The following PRDM1 variants were observed in gnomAD, a reference collection of about 807,000 sequenced individuals.
PRDM1 encodes PR/SET domain 1.
PRDM1 carries 13 observed loss-of-function variants against 62.8 expected under a neutral mutation model. That is an observed-to-expected ratio of 0.21 (90% CI 0.13 to 0.33). The LOEUF (loss-of-function observed/expected upper bound fraction) is 0.33. Among genes scored for constraint, PRDM1 ranks in the 10% least tolerant of loss-of-function variants. The pLI, the probability that PRDM1 is intolerant of heterozygous loss-of-function variation, is 1.00. For missense variants in PRDM1, 895 were observed against 1,058.8 expected (o/e 0.85, Z 2.15); for synonymous variants, 396 against 417.6 (o/e 0.95, Z 0.63).
chr6:106,091,553 G>A (rs947264916), intron 2 of PRDM1, among the ~76,000 whole-genome samples: 3 of 152,190 alleles, frequency 2.0e-5, no homozygotes, highest in African/African-American at 7.2e-5. Context: ...GCTGAGGACA[G>A]CAGATCACCT....
At chr6:106,015,296 A>G (rs1241060334) in intron 1 of PRDM1, among the ~76,000 whole-genome samples, 1 of 152,114 alleles carries the variant, frequency 6.6e-6, no homozygotes, top group Non-Finnish European at 1.5e-5. Context: ...TTTCCTTTAA[A>G]AACTTTTTTG....
At chr6:106,026,032 C>G (rs1307360760) in intron 1 of PRDM1, among the ~76,000 whole-genome samples, 1 of 152,142 alleles carries the variant, frequency 6.6e-6, no homozygotes, top group Non-Finnish European at 1.5e-5. Context: ...ACTGTATTAA[C>G]AGAGGTACTT....
At chr6:106,067,151 C>T (rs976807368) in intron 1 of PRDM1, among the ~76,000 whole-genome samples, 2 of 152,142 alleles carry the variant, frequency 1.3e-5, no homozygotes, top group Admixed American at 6.6e-5. Context: ...TACAAACAGC[C>T]TCATAGAATT....
At chr6:106,062,975 G>A (rs754510536) in intron 1 of PRDM1, among the ~76,000 whole-genome samples, 4 of 152,186 alleles carry the variant, frequency 2.6e-5, no homozygotes, top group Non-Finnish European at 4.4e-5. Context: ...AGCAAAGGGC[G>A]AAGGGGATGC....
intron 1 of PRDM1, among the ~76,000 whole-genome samples, chr6:106,070,189 T>C (rs1178442109): frequency 6.6e-6 from 1 of 152,222 alleles, no homozygotes; most frequent in Non-Finnish European, 1.5e-5. Context: ...AACTGCTGAC[T>C]TCATTAAGAC....
At chr6:106,036,941 A>G (rs1370847049) in intron 1 of PRDM1, among the ~76,000 whole-genome samples, 2 of 152,182 alleles carry the variant, frequency 1.3e-5, no homozygotes, top group African/African-American at 2.4e-5. Context: ...AGCACTCCCA[A>G]GTAGCTGGGA....
rs1774417603 is a variant in PRDM1 at position 106,105,108 on chromosome 6, C to T, written c.948C>T (p.Tyr316=). Residue 316 remains tyrosine (Y), a synonymous_variant, in exon 5 of 7, where the codon TAC becomes TAT. Transcript: ENST00000369096. ...PEDFLKASLA[Y]GIERPTYITR... is the part of the protein sequence containing the mutation. The stretch of plus-strand genomic sequence containing the variant: ...ACTTTTTGAAAGCTTCCCTGGCCTA[C>T]GGGATCGAGAGACCCACGTACATCA... 1 of 1,614,046 alleles carries T rather than the reference C, an allele frequency of 6.2e-7. No individual in the cohort carries two copies. The highest frequency in any genetic ancestry group is 8.5e-7 in the Non-Finnish European group (1 of 1,180,010).
Position 106,095,665 on chromosome 6 carries a change from A to G in PRDM1, c.342A>G (p.Gly114=), listed in dbSNP as rs1289343269. The G allele has an allele frequency of 6.2e-7, 1 of 1,611,800 alleles. No homozygotes were observed. The highest frequency in any genetic ancestry group is 8.5e-7 in the Non-Finnish European group (1 of 1,178,998). The change falls in exon 3 of 7, where the codon GGA becomes GGG. Residue 114 remains glycine (G), a synonymous_variant. Transcript: ENST00000369096. ...ACATACCAAAGGGCACACGTTTTGG[A>G]CCCCTAATAGGTGAAATCTACACCA... ...KEYIPKGTRF[G]PLIGEIYTND...
chr6:106,012,501 C>T (rs1377278374), intron 1 of PRDM1, among the ~76,000 whole-genome samples: 2 of 151,964 alleles, frequency 1.3e-5, no homozygotes, highest in Admixed American at 1.3e-4. Flanking sequence ...TCCACATTTA[C>T]ACACATACCA....
chr6:106,047,616 T>C (rs1437393721), upstream of PRDM1, among the ~76,000 whole-genome samples: 4 of 152,260 alleles, frequency 2.6e-5, no homozygotes, highest in Non-Finnish European at 5.9e-5. Flanking sequence ...TCTTCTGTCA[T>C]CCTTATCTTC....
At position 106,105,297 on chromosome 6, in the gene PRDM1, G is replaced by A. The variant is rs1057138661; in HGVS notation, c.1137G>A (p.Ala379=). 6.2e-7 allele frequency: 1 copy of A among 1,613,454 alleles called. No individual in the cohort carries two copies. Among genetic ancestry groups the A allele is most frequent in the East Asian group, 2.2e-5 (1 of 44,854 alleles). The part of the protein sequence containing the change: ...EHRDSYAYLN[A]SYGTEGLGSY... The stretch of plus-strand genomic sequence containing the variant: ...GGGACTCCTACGCTTACTTGAACGC[G>A]TCCTACGGCACGGAAGGTTTGGGCT... The change falls in exon 5 of 7, where the codon GCG becomes GCA. Residue 379 remains alanine, a synonymous_variant. Transcript: ENST00000369096.
Position 106,108,938 on chromosome 6 carries a change from G to T in PRDM1, c.*1452G>T, listed in dbSNP as rs564816328. Reference sequence around the variant, plus strand: ...TTTGTGTTATTCTATCTTTTATTCTGCTAAGCCCAAAGATTACATGTTGGT... The same window carrying T: ...TTTGTGTTATTCTATCTTTTATTCTTCTAAGCCCAAAGATTACATGTTGGT... On this transcript the variant is annotated 3_prime_UTR_variant, in exon 7 of 7. Transcript: ENST00000369096. 17 of 227,136 alleles carry T rather than the reference G, an allele frequency of 7.5e-5. No individual in the cohort carries two copies. Among genetic ancestry groups the T allele is most frequent in the African/African-American group, 2.7e-4 (12 of 45,014 alleles). 14.1% of individuals were successfully genotyped at this position (227,136 alleles called of 1,614,324 possible).
intron 1 of PRDM1, among the ~76,000 whole-genome samples, chr6:106,056,269 C>CAG (rs1367933795): frequency 1.4e-4 from 21 of 152,144 alleles, no homozygotes; most frequent in Non-Finnish European, 1.2e-4. Flanking sequence ...ATGGGAGAAG[C>CAG]ACGGAGAGTC....
chr6:106,011,403 T>A (rs1772546262), intron 1 of PRDM1, among the ~76,000 whole-genome samples: 1 of 152,158 alleles, frequency 6.6e-6, no homozygotes, highest in African/African-American at 2.4e-5. Context: ...AGACTTGAAC[T>A]CTTCAGTCTG....
chr6:106,037,422 GT>G (rs1435394154), intron 1 of PRDM1, among the ~76,000 whole-genome samples: 2 of 152,084 alleles, frequency 1.3e-5, no homozygotes, highest in African/African-American at 4.8e-5. Context: ...TTCAGCCACT[GT>G]TTCCTCAGAT....
intron 1 of PRDM1, among the ~76,000 whole-genome samples, chr6:105,995,674 A>G (rs1018515649): frequency 6.6e-6 from 1 of 152,158 alleles, no homozygotes; most frequent in African/African-American, 2.4e-5. Flanking sequence ...TTTATGGAGG[A>G]AAATTATTTA....
intron 1 of PRDM1, among the ~76,000 whole-genome samples, chr6:106,015,223 C>A (rs567585131): frequency 6.6e-6 from 1 of 152,344 alleles, no homozygotes; most frequent in African/African-American, 2.4e-5. Context: ...TCCCCCAGGG[C>A]AAGTCAGCCA....
intron 1 of PRDM1, among the ~76,000 whole-genome samples, chr6:106,050,057 G>A (rs1773148354): frequency 6.6e-6 from 1 of 152,142 alleles, no homozygotes; most frequent in African/African-American, 2.4e-5. Context: ...TTGAATGCTA[G>A]TCTGAACTCC....
chr6:106,003,555 C>T (rs1343704620), intron 1 of PRDM1, among the ~76,000 whole-genome samples: 1 of 152,126 alleles, frequency 6.6e-6, no homozygotes, highest in Non-Finnish European at 1.5e-5. Context: ...TTATTTGGGG[C>T]TGGTAACATA....
Sources: gnomAD v4.1 joint callset for allele counts (sites outside exome capture counted in the v4.1 genomes callset) on GRCh38, gnomAD v4.1.1 for gene constraint, MANE v1.5 for transcripts, NCBI Gene and HGNC (gene_info 2026-07-23, HGNC 2026-07-21) for gene names.